The following PPARGC1A variants were observed in gnomAD, a reference collection of about 807,000 sequenced individuals.
The protein encoded by PPARGC1A is PPARG coactivator 1 alpha, also known as peroxisome proliferator-activated receptor gamma coactivator 1-alpha.
Under a neutral mutation model 88.7 loss-of-function variants are expected in PPARGC1A, and 25 were observed. That is an observed-to-expected ratio of 0.28 (90% CI 0.21 to 0.39). The LOEUF (loss-of-function observed/expected upper bound fraction) is 0.39. PPARGC1A is among the 10% of genes least tolerant of loss of function. The pLI is 1.00. For missense variants in PPARGC1A, 880 were observed against 968.7 expected, an observed-to-expected ratio of 0.91 and a Z score of 1.22; for synonymous variants, 363 against 355.6, an observed-to-expected ratio of 1.02 and a Z score of -0.24.
At chr4:24,003,050 G>A in the PPARGC1A span, among the ~76,000 whole-genome samples, 4 of 152,180 alleles carry the variant, frequency 2.6e-5, no homozygotes, top group East Asian at 3.9e-4. Flanking sequence ...TTATGATCAC[G>A]AAAGGAATCA....
intron 2 of PPARGC1A, among the ~76,000 whole-genome samples, chr4:23,858,613 A>T (rs1372430595): frequency 6.6e-6 from 1 of 152,156 alleles, no homozygotes; most frequent in Admixed American, 6.5e-5. Flanking sequence ...TGAAGTAGAG[A>T]TATGTCCCTC....
the PPARGC1A span, among the ~76,000 whole-genome samples, chr4:23,986,490 C>T: frequency 6.6e-6 from 1 of 152,128 alleles, no homozygotes; most frequent in Non-Finnish European, 1.5e-5. Flanking sequence ...AGTCAGCACT[C>T]TGAGACTTCT....
the PPARGC1A span, among the ~76,000 whole-genome samples, chr4:24,429,358 AC>A: frequency 6.6e-6 from 1 of 152,174 alleles, no homozygotes; most frequent in Non-Finnish European, 1.5e-5. Flanking sequence ...TGCCAAAGAC[AC>A]AAAGATGAGT....
chr4:24,417,979 ATTT>A, the PPARGC1A span, among the ~76,000 whole-genome samples: 1 of 151,804 alleles, frequency 6.6e-6, no homozygotes, highest in African/African-American at 2.4e-5. Flanking sequence ...CAGACTATTT[ATTT>A]TGTTTTTTCT....
At chr4:24,319,210 G>T in the PPARGC1A span, among the ~76,000 whole-genome samples, 1 of 152,104 alleles carries the variant, frequency 6.6e-6, no homozygotes, top group Non-Finnish European at 1.5e-5. Flanking sequence ...GCTGTGTGTG[G>T]TGCATGCCTG....
chr4:24,439,892 A>C, the PPARGC1A span, among the ~76,000 whole-genome samples: 1 of 152,228 alleles, frequency 6.6e-6, no homozygotes. Flanking sequence ...AAATCCCTTA[A>C]GGTCCAAGAA....
intron 2 of PPARGC1A, among the ~76,000 whole-genome samples, chr4:23,852,778 T>C (rs1729533982): frequency 6.6e-6 from 1 of 152,154 alleles, no homozygotes; most frequent in Admixed American, 6.6e-5. Flanking sequence ...AAAGCCTAGT[T>C]TTTATCTTTT....
chr4:23,988,227 A>G, the PPARGC1A span, among the ~76,000 whole-genome samples: 29 of 152,062 alleles, frequency 1.9e-4, 1 homozygote, highest in Non-Finnish European at 4.1e-4. Context: ...TGCTATTGTG[A>G]ATAGTGCTGC....
intron 7 of PPARGC1A, among the ~76,000 whole-genome samples, chr4:23,824,016 G>C (rs539164832): frequency 6.6e-6 from 1 of 152,190 alleles, no homozygotes; most frequent in African/African-American, 2.4e-5. Context: ...AAAGCACTTA[G>C]TGCAAGGGCA....
the PPARGC1A span, among the ~76,000 whole-genome samples, chr4:23,995,502 C>T: frequency 6.6e-6 from 1 of 152,206 alleles, no homozygotes; most frequent in East Asian, 1.9e-4. Flanking sequence ...CAAATTCCCT[C>T]AGCTTTGCAC....
chr4:23,990,658 C>T, the PPARGC1A span, among the ~76,000 whole-genome samples: 1 of 149,736 alleles, frequency 6.7e-6, no homozygotes, highest in Non-Finnish European at 1.5e-5. Flanking sequence ...AGGTCTAGCT[C>T]ATCACTCAGG....
chr4:24,337,865 T>C, the PPARGC1A span, among the ~76,000 whole-genome samples: 2 of 152,140 alleles, frequency 1.3e-5, no homozygotes, highest in Admixed American at 1.3e-4. Flanking sequence ...AGACTTGAGC[T>C]CCGACGACCC....
the PPARGC1A span, among the ~76,000 whole-genome samples, chr4:24,383,784 C>G: frequency 2.0e-5 from 3 of 152,132 alleles, no homozygotes; most frequent in South Asian, 6.2e-4. Context: ...GAGAATGCAA[C>G]CAAGTTGGAA....
chr4:23,963,453 T>A, the PPARGC1A span, among the ~76,000 whole-genome samples: 1 of 152,188 alleles, frequency 6.6e-6, no homozygotes, highest in African/African-American at 2.4e-5. Flanking sequence ...CTAATTTACA[T>A]GTCTCTTTTT....
At chr4:24,190,632 C>T in the PPARGC1A span, among the ~76,000 whole-genome samples, 54 of 152,314 alleles carry the variant, frequency 3.5e-4, no homozygotes, top group Middle Eastern at 3.4e-3. Context: ...TTTTATTATT[C>T]CCACTTTACA....
chr4:24,160,062 C>T, the PPARGC1A span, among the ~76,000 whole-genome samples: 1 of 152,178 alleles, frequency 6.6e-6, no homozygotes, highest in East Asian at 1.9e-4. Flanking sequence ...GTGGGAAATT[C>T]AGTGGTTTTC....
the PPARGC1A span, among the ~76,000 whole-genome samples, chr4:24,182,521 G>A: frequency 6.6e-6 from 1 of 152,142 alleles, no homozygotes; most frequent in African/African-American, 2.4e-5. Flanking sequence ...CCAGTAATGG[G>A]ATTGCTGGGT....
chr4:24,172,955 A>G, the PPARGC1A span, among the ~76,000 whole-genome samples: 6 of 152,102 alleles, frequency 3.9e-5, no homozygotes, highest in African/African-American at 1.2e-4. Context: ...TTTTTCCAAA[A>G]CCCAGGGATT....
chr4:24,435,229 A>G, the PPARGC1A span, among the ~76,000 whole-genome samples: 3 of 152,196 alleles, frequency 2.0e-5, no homozygotes, highest in Non-Finnish European at 4.4e-5. Flanking sequence ...TTAGAAGGAC[A>G]GTGAAGCACC....
Sources: allele counts gnomAD v4.1 joint callset (sites outside exome capture counted in the v4.1 genomes callset), GRCh38; gene constraint gnomAD v4.1.1; transcripts MANE v1.5; gene names NCBI Gene and HGNC (gene_info 2026-07-23, HGNC 2026-07-21).